SCRG1: variants seen among roughly 807,000 people sequenced by gnomAD.
SCRG1 encodes stimulator of chondrogenesis 1.
SCRG1 carries 3 observed loss-of-function variants against 7.7 expected under a neutral mutation model. The ratio of observed to expected loss-of-function variants is 0.39; its 90% confidence interval spans 0.18 to 1.01. The LOEUF (loss-of-function observed/expected upper bound fraction) is 1.01, where lower values mean the gene tolerates loss of function less well. SCRG1 is among the 50% of genes least tolerant of loss of function. SCRG1 has a pLI of 0.36. For missense variants in SCRG1, 110 were observed against 117.2 expected (o/e 0.94, Z 0.28); for synonymous variants, 46 against 41.2 (o/e 1.12, Z -0.44).
the SCRG1 span, among the ~76,000 whole-genome samples, chr4:173,444,204 C>T: frequency 6.6e-6 from 1 of 152,064 alleles, no homozygotes; most frequent in Non-Finnish European, 1.5e-5. Context: ...AAACTCCTGA[C>T]CTCGGGTGAT....
chr4:173,443,979 GTGTGTGTGTT>G, the SCRG1 span, among the ~76,000 whole-genome samples: 1 of 151,376 alleles, frequency 6.6e-6, no homozygotes, highest in African/African-American at 2.4e-5. Context: ...GTGTGTGTGT[GTGTGTGTGTT>G]TGAGATGGAG....
the SCRG1 span, among the ~76,000 whole-genome samples, chr4:173,464,670 A>G: frequency 3.3e-5 from 5 of 152,306 alleles, no homozygotes; most frequent in African/African-American, 1.2e-4. Flanking sequence ...GCTGCTGTGA[A>G]AGACAGTTTG....
the SCRG1 span, among the ~76,000 whole-genome samples, chr4:173,500,542 C>G: frequency 2.6e-5 from 4 of 152,014 alleles, no homozygotes; most frequent in Non-Finnish European, 5.9e-5. Context: ...TGCAGTGGCG[C>G]GATCAAGGCT....
the SCRG1 span, among the ~76,000 whole-genome samples, chr4:173,483,312 T>G: frequency 2.7e-4 from 8 of 29,470 alleles, 1 homozygote; most frequent in African/African-American, 3.9e-4. Context: ...TATTATATAT[T>G]ACATATCATA....
the SCRG1 span, among the ~76,000 whole-genome samples, chr4:173,450,150 C>T: frequency 6.6e-6 from 1 of 152,144 alleles, no homozygotes; most frequent in East Asian, 1.9e-4. Context: ...CAACTCTTCA[C>T]CAGGTGGCAG....
chr4:173,423,387 T>C, the SCRG1 span, among the ~76,000 whole-genome samples: 3 of 152,178 alleles, frequency 2.0e-5, no homozygotes, highest in Non-Finnish European at 4.4e-5. Flanking sequence ...CTATAGATAT[T>C]TTTATTGAAA....
At chr4:173,494,661 A>G in the SCRG1 span, among the ~76,000 whole-genome samples, 10 of 152,160 alleles carry the variant, frequency 6.6e-5, no homozygotes, top group Admixed American at 6.5e-5. Flanking sequence ...GGGCGAGAAG[A>G]AGGACCCGGG....
chr4:173,444,621 CA>C, the SCRG1 span, among the ~76,000 whole-genome samples: 404 of 152,352 alleles, frequency 2.7e-3, 1 homozygote, highest in African/African-American at 9.0e-3. Context: ...TTTCCCTCAA[CA>C]GTGACTTGGT....
chr4:173,429,485 C>T, the SCRG1 span, among the ~76,000 whole-genome samples: 15 of 151,978 alleles, frequency 9.9e-5, no homozygotes, highest in African/African-American at 3.4e-4. Context: ...TATGTAGAGA[C>T]AGGGTCTTGC....
At chr4:173,484,041 TA>T in the SCRG1 span, among the ~76,000 whole-genome samples, 1 of 65,822 alleles carries the variant, frequency 1.5e-5, no homozygotes, top group African/African-American at 6.6e-5. Flanking sequence ...CATATATAAT[TA>T]TAAATATAAT....
chr4:173,386,900 A>G lies in SCRG1; in HGVS notation c.*1441T>C, dbSNP rs975118302. On this transcript the variant is annotated 3_prime_UTR_variant, in exon 3 of 3. Coordinates refer to ENST00000296506, the MANE Select transcript of SCRG1 (RefSeq NM_007281.4). ...TGCCCAGATCTTAATAATGGCTGGC[A>G]CTTAGCAGGCTTTGAATACATTTTT... The G allele has an allele frequency of 1.3e-5, 2 of 152,190 alleles. No individual in the cohort carries two copies. The highest frequency in any genetic ancestry group is 4.8e-5 in the African/African-American group (2 of 41,442). The allele number at this position is 152,190 out of a possible 1,614,324, so 9.4% of individuals were successfully genotyped here.
rs1385837749 is a variant in SCRG1 at position 173,384,886 on chromosome 4, T to C, written c.*3455A>G. ...TATATGAGCTATCTGAAATGTACAA[T>C]TGTGTGTCCTATCCATGTAAAAGTT... On this transcript the variant is annotated 3_prime_UTR_variant, in exon 3 of 3. Transcript: ENST00000296506. 1 of 152,192 alleles carries C rather than the reference T, an allele frequency of 6.6e-6. No individual in the cohort carries two copies. Among genetic ancestry groups the C allele is most frequent in the African/African-American group, 2.4e-5 (1 of 41,464 alleles). 9.4% of individuals were successfully genotyped at this position (152,192 alleles called of 1,614,324 possible). A position where few individuals can be genotyped will look rare whatever the true frequency, so the allele number is the denominator to read the frequency against.
chr4:173,484,393 C>CATTATATATTATATACATATAATATAT, the SCRG1 span, among the ~76,000 whole-genome samples: 8 of 26,540 alleles, frequency 3.0e-4, no homozygotes, highest in Admixed American at 7.3e-4. Flanking sequence ...ATATTTTATA[C>CATTATATATTATATACATATAATATAT]ATTATATATT....
the SCRG1 span, among the ~76,000 whole-genome samples, chr4:173,451,660 T>A: frequency 6.8e-6 from 1 of 146,828 alleles, no homozygotes; most frequent in Non-Finnish European, 1.5e-5. Flanking sequence ...ATTTATTTAT[T>A]TATTTATTTA....
chr4:173,482,544 A>T, the SCRG1 span, among the ~76,000 whole-genome samples: 1 of 152,148 alleles, frequency 6.6e-6, no homozygotes, highest in Non-Finnish European at 1.5e-5. Flanking sequence ...AGCACAGGGC[A>T]CAGTGGCTCA....
chr4:173,504,300 G>A, the SCRG1 span, among the ~76,000 whole-genome samples: 1 of 152,172 alleles, frequency 6.6e-6, no homozygotes, highest in Non-Finnish European at 1.5e-5. This position sits in a 1 kb window ranked among gnomAD's most constrained non-coding sequence, Gnocchi z 4.7. Flanking sequence ...TGCATGCAGC[G>A]CAAACGGCGT....
the SCRG1 span, among the ~76,000 whole-genome samples, chr4:173,426,505 T>C: frequency 6.6e-6 from 1 of 152,350 alleles, no homozygotes; most frequent in East Asian, 1.9e-4. Flanking sequence ...CTTTCTCTGT[T>C]GCCCAGGCTG....
At chr4:173,455,957 G>C in the SCRG1 span, among the ~76,000 whole-genome samples, 1 of 152,034 alleles carries the variant, frequency 6.6e-6, no homozygotes, top group African/African-American at 2.4e-5. Context: ...CCAGGAGCAT[G>C]GTAGGCAGAA....
the SCRG1 span, among the ~76,000 whole-genome samples, chr4:173,422,927 C>T: frequency 6.6e-6 from 1 of 152,092 alleles, no homozygotes; most frequent in Non-Finnish European, 1.5e-5. Flanking sequence ...TCTAAATTCA[C>T]ATTTTCTCTG....
Sources: gnomAD v4.1 joint callset for allele counts (sites outside exome capture counted in the v4.1 genomes callset) on GRCh38, gnomAD v4.1.1 for gene constraint, Gnocchi (gnomAD v3.1) non-coding constraint, MANE v1.5 for transcripts, NCBI Gene and HGNC (gene_info 2026-07-23, HGNC 2026-07-21) for gene names.